AGBL1: variants seen among roughly 807,000 people sequenced by gnomAD.
AGBL1 encodes AGBL carboxypeptidase 1, also known as cytosolic carboxypeptidase 4.
A neutral mutation model predicts 118.9 loss-of-function variants in AGBL1; 130 were observed. The ratio of observed to expected loss-of-function variants is 1.09; its 90% confidence interval spans 0.95 to 1.26. The LOEUF (loss-of-function observed/expected upper bound fraction) is 1.26, where lower values mean the gene tolerates loss of function less well. Among genes scored for constraint, AGBL1 ranks in the 50% most tolerant of loss-of-function variants. The pLI, the probability that AGBL1 is intolerant of heterozygous loss-of-function variation, is 0.00. For synonymous variants in AGBL1, 555 were observed against 478.9 expected (o/e 1.16, Z -2.08); for missense variants, 1,584 against 1,298.1 (o/e 1.22, Z -3.38).
intron 18 of AGBL1, among the ~76,000 whole-genome samples, chr15:86,509,580 G>C (rs906158920): frequency 6.6e-6 from 1 of 152,096 alleles, no homozygotes; most frequent in Admixed American, 6.6e-5. Flanking sequence ...GAAACATTAC[G>C]ATAGATAGAA....
chr15:86,271,758 A>T, intron 15 of AGBL1, 52 bp downstream of exon 15: 1 of 1,490,404 alleles, frequency 6.7e-7, no homozygotes, highest in East Asian at 2.3e-5. Context: ...ATTTTCTCTC[A>T]ATTTCCCACT....
intron 1 of AGBL1, among the ~76,000 whole-genome samples, chr15:86,128,389 G>A (rs2076775623): frequency 6.6e-6 from 1 of 152,138 alleles, no homozygotes; most frequent in Non-Finnish European, 1.5e-5. Context: ...TGACAGGTGG[G>A]GATTACTACA....
At chr15:86,978,774 G>C (rs2081199923) in intron 23 of AGBL1, among the ~76,000 whole-genome samples, 1 of 152,072 alleles carries the variant, frequency 6.6e-6, no homozygotes, top group African/African-American at 2.4e-5. Flanking sequence ...ATAATATTAA[G>C]GCCTCTCAGA....
Position 86,901,102 on chromosome 15 carries a change from G to T in AGBL1, c.3159-5985G>T, listed in dbSNP as rs2080205748. 2.0e-5 allele frequency among the ~76,000 whole-genome samples: 3 copies of T among 152,190 alleles called. No homozygotes were observed. In the South Asian group the frequency reaches 6.2e-4, roughly 32 times the overall value. Reference sequence around the variant, plus strand: ...GATTTTGTTTGAGTCCAGGTTATAAGAATTCTTTAAATAGTCCAGATAATG... The same window carrying T: ...GATTTTGTTTGAGTCCAGGTTATAATAATTCTTTAAATAGTCCAGATAATG... On this transcript the variant is annotated intron_variant, in intron 22 of 22. Coordinates refer to ENST00000614907, the MANE Select transcript of AGBL1 (RefSeq NM_001386094.1).
At chr15:86,181,141 T>C (rs980686125) in intron 5 of AGBL1, among the ~76,000 whole-genome samples, 2 of 152,084 alleles carry the variant, frequency 1.3e-5, no homozygotes, top group African/African-American at 2.4e-5. Context: ...TATCATATTG[T>C]TCACACACTC....
chr15:86,655,149 A>G (rs1051408055), intron 21 of AGBL1, among the ~76,000 whole-genome samples: 2 of 152,128 alleles, frequency 1.3e-5, no homozygotes, highest in African/African-American at 4.8e-5. Context: ...GCTGATTCCA[A>G]TCTCCGGAAA....
At chr15:86,998,801 T>C (rs1326723919) in intron 24 of AGBL1, among the ~76,000 whole-genome samples, 3 of 152,148 alleles carry the variant, frequency 2.0e-5, no homozygotes, top group Non-Finnish European at 2.9e-5. Context: ...ACAAGTTAGT[T>C]AGCTCAACCT....
rs116720884 is a variant in AGBL1, at chr15:86,690,659, A to G, written c.3158+16223A>G. Among the ~76,000 whole-genome samples the G allele has an allele frequency of 4.8e-3, 729 of 152,218 alleles. 7 individuals carry two copies. Among genetic ancestry groups the G allele is most frequent in the African/African-American group, 0.017 (690 of 41,542 alleles). Reference sequence around the variant, plus strand: ...TTTTTATTTGTTTAAGGCACAGAAGAGTAGTGTGTGGTAGGGTGTTGGAAG... The same window carrying G: ...TTTTTATTTGTTTAAGGCACAGAAGGGTAGTGTGTGGTAGGGTGTTGGAAG... On this transcript the variant is annotated intron_variant, in intron 22 of 22. Coordinates refer to ENST00000614907, the MANE Select transcript of AGBL1 (RefSeq NM_001386094.1).
intron 22 of AGBL1, among the ~76,000 whole-genome samples, chr15:86,721,195 A>G (rs1258551577): frequency 6.6e-6 from 1 of 151,970 alleles, no homozygotes; most frequent in African/African-American, 2.4e-5. Flanking sequence ...AGACACAACA[A>G]AAAAAAAGAA....
intron 23 of AGBL1, among the ~76,000 whole-genome samples, chr15:86,958,188 G>C (rs117892507): frequency 0.01 from 1,499 of 146,432 alleles, 9 homozygotes; most frequent in Non-Finnish European, 0.015. Flanking sequence ...CTGGGTGATA[G>C]AGCAAGATCT....
chr15:86,674,920 T>C (rs1316507324), intron 22 of AGBL1, among the ~76,000 whole-genome samples: 1 of 152,182 alleles, frequency 6.6e-6, no homozygotes, highest in Non-Finnish European at 1.5e-5. Context: ...ATTAATACTT[T>C]GGCTCAGAGA....
chr15:86,195,332 G>A (rs2077784935), intron 5 of AGBL1, among the ~76,000 whole-genome samples: 1 of 152,058 alleles, frequency 6.6e-6, no homozygotes, highest in Non-Finnish European at 1.5e-5. Flanking sequence ...AGTCATCCTG[G>A]ACTAAATTAG....
At chr15:86,232,295 G>A (rs945550371) in intron 6 of AGBL1, among the ~76,000 whole-genome samples, 1 of 152,188 alleles carries the variant, frequency 6.6e-6, no homozygotes, top group African/African-American at 2.4e-5. Context: ...GCGGGCCTTG[G>A]GCTGAGCCGC....
chr15:86,257,301 A>G (rs2078912196), intron 8 of AGBL1, among the ~76,000 whole-genome samples: 2 of 152,200 alleles, frequency 1.3e-5, no homozygotes, highest in Non-Finnish European at 2.9e-5. Context: ...GCTAATTTTA[A>G]AAAAGTCTAT....
rs1229669624 is a variant in AGBL1, at chr15:86,104,725, G to A, written c.51+24702G>A. ...GATACAGGGGCTGTTGGGCCTTACA[G>A]CAGGATGCAGTCTGGTGAGGGCTGG... On this transcript the variant is annotated intron_variant, in intron 1 of 22. Coordinates refer to ENST00000614907, the MANE Select transcript of AGBL1 (RefSeq NM_001386094.1). Among the ~76,000 whole-genome samples, 5 of 152,328 alleles carry A rather than the reference G, an allele frequency of 3.3e-5. No individual in the cohort carries two copies. The East Asian group carries it at 9.7e-4, about 29-fold the overall frequency.
chr15:86,170,077 T>C (rs2077393960), intron 5 of AGBL1, among the ~76,000 whole-genome samples: 1 of 152,130 alleles, frequency 6.6e-6, no homozygotes, highest in African/African-American at 2.4e-5. Context: ...AAACCAGAAC[T>C]GAGATAGATG....
At chr15:87,006,579 G>T (rs970351355) in intron 24 of AGBL1, among the ~76,000 whole-genome samples, 2 of 152,106 alleles carry the variant, frequency 1.3e-5, no homozygotes, top group African/African-American at 4.8e-5. Context: ...GATTTTCCAG[G>T]TGTCATCTGT....
intron 5 of AGBL1, among the ~76,000 whole-genome samples, chr15:86,187,326 G>C (rs2077648307): frequency 6.6e-6 from 1 of 152,130 alleles, no homozygotes; most frequent in Admixed American, 6.5e-5. Context: ...ACACAGATAA[G>C]AGCCGCCTTG....
intron 5 of AGBL1, among the ~76,000 whole-genome samples, chr15:86,209,301 G>T (rs1372288015): frequency 6.6e-6 from 1 of 152,108 alleles, no homozygotes; most frequent in South Asian, 2.1e-4. Context: ...TGTTGACTTG[G>T]GGTGGAGAGT....
Sources: allele counts gnomAD v4.1 joint callset (sites outside exome capture counted in the v4.1 genomes callset), GRCh38; gene constraint gnomAD v4.1.1; transcripts MANE v1.5; gene names NCBI Gene and HGNC (gene_info 2026-07-23, HGNC 2026-07-21).